The following IWS1 variants were observed in gnomAD, a reference collection of about 807,000 sequenced individuals.
IWS1 encodes the protein interacts with SUPT6H, CTD assembly factor 1.
IWS1 carries 27 observed loss-of-function variants against 86.7 expected under a neutral mutation model. The ratio of observed to expected loss-of-function variants is 0.31; its 90% confidence interval spans 0.23 to 0.43. The LOEUF (loss-of-function observed/expected upper bound fraction) is 0.43. Ranked by LOEUF, IWS1 falls within the 20% of genes least tolerant of loss-of-function variation. The pLI, the probability that IWS1 is intolerant of heterozygous loss-of-function variation, is 1.00. For synonymous variants in IWS1, 313 were observed against 335.1 expected, an observed-to-expected ratio of 0.93 and a Z score of 0.72; for missense variants, 827 against 1,000.8, an observed-to-expected ratio of 0.83 and a Z score of 2.34.
chr2:127,484,247 G>A (rs773132591), intron 13 of IWS1, among the ~76,000 whole-genome samples: 11 of 152,140 alleles, frequency 7.2e-5, no homozygotes, highest in Non-Finnish European at 1.2e-4. Flanking sequence ...GGGAGGCAGA[G>A]CTTGCAGTGA....
chr2:127,496,547 T>TCACA (rs1337933361), intron 6 of IWS1, among the ~76,000 whole-genome samples: 1 of 49,348 alleles, frequency 2.0e-5, no homozygotes, highest in African/African-American at 8.5e-5. Context: ...CCATATTTTA[T>TCACA]CATACACACA....
At chr2:127,493,519 C>G in intron 8 of IWS1, 109 bp from the exon 9 acceptor site, 1 of 985,312 alleles carries the variant, frequency 1.0e-6, no homozygotes, top group Non-Finnish European at 1.4e-6. Flanking sequence ...TAAAGCGTTA[C>G]TCATATAAAT....
At chr2:127,500,440 A>G (rs1395805163) in intron 5 of IWS1, among the ~76,000 whole-genome samples, 1 of 152,094 alleles carries the variant, frequency 6.6e-6, no homozygotes, top group African/African-American at 2.4e-5. Context: ...GGCGCAAACA[A>G]TTTTAAAATC....
chr2:127,493,235 C>G (rs1690326483), intron 9 of IWS1, 46 bp downstream of exon 9: 1 of 1,563,014 alleles, frequency 6.4e-7, no homozygotes, highest in African/African-American at 1.4e-5. Context: ...CCATACAGAC[C>G]ACATTAGATA....
chr2:127,518,686 C>T (rs576869559), intron 2 of IWS1, among the ~76,000 whole-genome samples: 87 of 151,880 alleles, frequency 5.7e-4, no homozygotes, highest in African/African-American at 2.1e-3. Context: ...CGGCCTCAGC[C>T]TCCCGAGTAG....
Position 127,494,971 on chromosome 2 carries a change from T to TA in IWS1, c.1717-18dup. The TA allele has an allele frequency of 1.3e-6, 2 of 1,502,874 alleles. No homozygotes were observed. Among genetic ancestry groups the TA allele is most frequent in the Non-Finnish European group, 9.1e-7 (1 of 1,103,130 alleles). The allele number at this position is 1,502,874 out of a possible 1,614,324, so 93.1% of individuals were successfully genotyped here. ...TCTGTCTTCCTATTCAGAAAAAAAA[T>TA]AAAGATTTTTTTTTAAAACAGTACT... On this transcript the variant is annotated splice_polypyrimidine_tract_variant and intron_variant, in intron 7 of 13. Transcript: ENST00000295321.
chr2:127,526,078 CG>C, intron 1 of IWS1, 96 bp downstream of exon 1: 2 of 1,227,704 alleles, frequency 1.6e-6, no homozygotes, highest in Admixed American at 2.3e-5. Flanking sequence ...GGGAAGGTTT[CG>C]GGGGGCCTCC....
At chr2:127,493,222 T>C (rs892625185) in intron 9 of IWS1, 59 bp downstream of exon 9, 4 of 1,501,908 alleles carry the variant, frequency 2.7e-6, no homozygotes, top group South Asian at 1.3e-5. Flanking sequence ...ACACAGGTTA[T>C]GACCATACAG....
intron 9 of IWS1, among the ~76,000 whole-genome samples, chr2:127,492,363 G>A (rs2104668881): frequency 6.6e-6 from 1 of 152,058 alleles, no homozygotes; most frequent in East Asian, 1.9e-4. Context: ...TGGCCAACAT[G>A]TGGTGAAACC....
At chr2:127,523,831 AT>A in intron 1 of IWS1, 40 bp from the exon 2 acceptor site, 1 of 1,326,288 alleles carries the variant, frequency 7.5e-7, no homozygotes. Flanking sequence ...ATGGTGTAAG[AT>A]GAATGACATC....
intron 1 of IWS1, 151 bp from the exon 2 acceptor site, chr2:127,523,942 A>T (rs1692248689): frequency 1.7e-6 from 1 of 591,398 alleles, no homozygotes; most frequent in Non-Finnish European, 3.0e-6. Flanking sequence ...ATAAGGTAAT[A>T]CAATACTCAT....
At position 127,503,418 on chromosome 2, in the gene IWS1, C is replaced by T; in HGVS notation, c.1378G>A (p.Gly460Arg). The change falls in exon 4 of 14, where the codon GGG (glycine) becomes AGG (arginine). Residue 460 changes from glycine (G) to arginine (R), a missense_variant. By Grantham distance (125) the Gly-to-Arg change is moderately radical (BLOSUM62 -2). Around this residue, in one of 2 missense-constraint regions of IWS1, gnomAD observed 548 missense variants for 560.2 expected, o/e 0.98. Transcript: ENST00000295321. ...TCATTGCCTGACTCACTGTCACTCC[C>T]AAACAGATCCTTCTCTTCATTTTTC... ...DKKNEEKDLFGSDSESGNEEE... is the reference protein window; with the variant it reads ...DKKNEEKDLFRSDSESGNEEE... 6.2e-7 allele frequency: 1 copy of T among 1,613,050 alleles called. No homozygotes were observed. Among genetic ancestry groups the T allele is most frequent in the Non-Finnish European group, 8.5e-7 (1 of 1,179,580 alleles).
chr2:127,516,976 T>C (rs148455318), intron 2 of IWS1, among the ~76,000 whole-genome samples: 73 of 152,246 alleles, frequency 4.8e-4, no homozygotes, highest in Non-Finnish European at 9.0e-4. Flanking sequence ...GGAAAAGTGT[T>C]TAGGAACAAT....
At position 127,505,765 on chromosome 2, in the gene IWS1, G is replaced by T; in HGVS notation, c.151-13C>A. On this transcript the variant is annotated splice_polypyrimidine_tract_variant and intron_variant, in intron 2 of 13. Coordinates refer to ENST00000295321, the MANE Select transcript of IWS1 (RefSeq NM_017969.3). The surrounding 1 kb of genome is among the most constrained non-coding windows in gnomAD (Gnocchi z 5.0). ...CACTAGTTTCATTCTGAAAAATAAAGTGAGAAAAAATTAGGAAAGTGCAAA... is the reference window on the plus strand; with the variant it reads ...CACTAGTTTCATTCTGAAAAATAAATTGAGAAAAAATTAGGAAAGTGCAAA... The T allele has an allele frequency of 2.1e-6, 3 of 1,408,100 alleles. No homozygotes were observed. The highest frequency in any genetic ancestry group is 2.8e-6 in the Non-Finnish European group (3 of 1,057,696). 87.2% of individuals were successfully genotyped at this position (1,408,100 alleles called of 1,614,324 possible).
chr2:127,504,589 A>G lies in IWS1; in HGVS notation c.1219+95T>C, dbSNP rs1309906612. 8.0e-6 allele frequency: 7 copies of G among 877,534 alleles called. No individual in the cohort carries two copies. In the East Asian group the frequency reaches 1.7e-4, roughly 21 times the overall value. The allele number at this position is 877,534 out of a possible 1,614,324, so 54.4% of individuals were successfully genotyped here. ...AGAATATTAAGCTGAATAACAGAAC[A>G]CAGATCTGACATACCAAGAGGATAC... On this transcript the variant is annotated intron_variant, in intron 3 of 13. Transcript: ENST00000295321.
chr2:127,502,891 T>A lies in IWS1; in HGVS notation c.1410-19A>T. The A allele has an allele frequency of 7.1e-7, 1 of 1,408,858 alleles. No homozygotes were observed. The highest frequency in any genetic ancestry group is 1.2e-5 in the South Asian group (1 of 84,578). 87.3% of individuals were successfully genotyped at this position (1,408,858 alleles called of 1,614,324 possible). ...AAGATTTCTAGAAAGTAGACAAATGTAAAAACATTCATTTGCTTTATCCTC... is the reference window on the plus strand; with the variant it reads ...AAGATTTCTAGAAAGTAGACAAATGAAAAAACATTCATTTGCTTTATCCTC... On this transcript the variant is annotated intron_variant, in intron 4 of 13. Coordinates refer to ENST00000295321, the MANE Select transcript of IWS1 (RefSeq NM_017969.3).
At chr2:127,523,641 GA>G in intron 2 of IWS1, 34 bp downstream of exon 2, 1 of 1,399,618 alleles carries the variant, frequency 7.1e-7, no homozygotes. Flanking sequence ...GAACGCAAGG[GA>G]AAAGCCCTCC....
chr2:127,483,793 CTAATTTTT>C (rs1002253922), intron 13 of IWS1, among the ~76,000 whole-genome samples: 1 of 151,932 alleles, frequency 6.6e-6, no homozygotes, highest in African/African-American at 2.4e-5. Context: ...CCATGCCCGG[CTAATTTTT>C]TAATTTTTTG....
chr2:127,489,656 A>G lies in IWS1; in HGVS notation c.2159+176T>C. On this transcript the variant is annotated intron_variant, in intron 11 of 13. Transcript: ENST00000295321. This position sits in a 1 kb window ranked among gnomAD's most constrained non-coding sequence, Gnocchi z 4.8. Reference sequence around the variant, plus strand: ...AGAAAGGTCTGGTTAGGAGGACAGGACCCTCACTATACACTATCACATTTA... The same window carrying G: ...AGAAAGGTCTGGTTAGGAGGACAGGGCCCTCACTATACACTATCACATTTA... 1.7e-6 allele frequency: 1 copy of G among 588,926 alleles called. No individual in the cohort carries two copies. Among genetic ancestry groups the G allele is most frequent in the Non-Finnish European group, 3.0e-6 (1 of 331,492 alleles). 36.5% of individuals were successfully genotyped at this position (588,926 alleles called of 1,614,324 possible).
Sources: allele counts gnomAD v4.1 joint callset (sites outside exome capture counted in the v4.1 genomes callset), GRCh38; gene constraint gnomAD v4.1.1; regional missense constraint gnomAD v4.1.1; non-coding constraint Gnocchi (gnomAD v3.1); transcripts MANE v1.5; gene names NCBI Gene and HGNC (gene_info 2026-07-23, HGNC 2026-07-21).